Variants in PTPRG observed in about 807,000 individuals in gnomAD.
PTPRG encodes the protein receptor-type tyrosine-protein phosphatase gamma.
A neutral mutation model predicts 165.3 loss-of-function variants in PTPRG; 102 were observed. The ratio of observed to expected loss-of-function variants is 0.62; its 90% CI spans 0.53 to 0.73. The LOEUF (loss-of-function observed/expected upper bound fraction) is 0.73. Among genes scored for constraint, PTPRG ranks in the 30% least tolerant of loss-of-function variants. PTPRG has a pLI of 0.00. For synonymous variants in PTPRG, 675 were observed against 669.5 expected (o/e 1.01, Z -0.13); for missense variants, 1,866 against 1,861.4 (o/e 1.00, Z -0.05).
chr3:62,106,944 T>C (rs1412670703), intron 5 of PTPRG, among the ~76,000 whole-genome samples: 2 of 152,210 alleles, frequency 1.3e-5, no homozygotes, highest in Non-Finnish European at 1.5e-5. Flanking sequence ...GGGAACCTTA[T>C]TGAAGAGGAA....
intron 1 of PTPRG, among the ~76,000 whole-genome samples, chr3:61,704,982 G>C (rs1314699029): frequency 6.6e-6 from 1 of 152,184 alleles, no homozygotes; most frequent in Non-Finnish European, 1.5e-5. Context: ...GCTGAGAGCA[G>C]ACCTGTTAAA....
chr3:62,080,796 A>G (rs1701545231), intron 5 of PTPRG, among the ~76,000 whole-genome samples: 1 of 152,166 alleles, frequency 6.6e-6, no homozygotes, highest in Non-Finnish European at 1.5e-5. Context: ...CAAATCAACA[A>G]AATACCTCAC....
At chr3:61,633,856 C>T (rs1426554070) in intron 1 of PTPRG, among the ~76,000 whole-genome samples, 1 of 150,078 alleles carries the variant, frequency 6.7e-6, no homozygotes, top group Non-Finnish European at 1.5e-5. Context: ...TACCCTTTTT[C>T]AGGTTGAGGA....
At chr3:61,563,567 C>T (rs1010596317) in intron 1 of PTPRG, among the ~76,000 whole-genome samples, 1 of 152,228 alleles carries the variant, frequency 6.6e-6, no homozygotes, top group African/African-American at 2.4e-5. Context: ...GCTTTTCATC[C>T]CTCGCTCCCC....
chr3:61,670,708 C>A (rs75117156), intron 1 of PTPRG, among the ~76,000 whole-genome samples: 1 of 152,172 alleles, frequency 6.6e-6, no homozygotes, highest in Admixed American at 6.5e-5. Context: ...TTTCCTGAGC[C>A]TCCGGTTGTA....
rs112779989 is a variant in PTPRG at position 62,202,442 on chromosome 3, C to T, written c.1378-731C>T. ...GAGTAGCATGGAAAGCCCTGGCACA[C>T]GGTTGGCATTTGTTAATTGGAATTC... On this transcript the variant is annotated intron_variant, in intron 11 of 29. Coordinates refer to ENST00000474889, the MANE Select transcript of PTPRG (RefSeq NM_002841.4). Among the ~76,000 whole-genome samples the T allele has an allele frequency of 1.0e-3, 158 of 152,294 alleles. 3 individuals carry two copies. The highest frequency in any genetic ancestry group is 6.8e-3 in the Middle Eastern group (2 of 294).
At chr3:62,124,551 G>A in intron 5 of PTPRG, 1 of 1,425,022 alleles carries the variant, frequency 7.0e-7, no homozygotes, top group Middle Eastern at 1.8e-4. Context: ...GAGATGCCCA[G>A]GCGGTGGTCC....
chr3:62,223,565 C>A (rs1700695614), intron 13 of PTPRG, among the ~76,000 whole-genome samples: 3 of 152,160 alleles, frequency 2.0e-5, no homozygotes, highest in South Asian at 2.1e-4. Context: ...CTGCTTTAGA[C>A]AAAGACTTCT....
At chr3:61,653,008 T>C (rs1322925616) in intron 1 of PTPRG, among the ~76,000 whole-genome samples, 2 of 152,216 alleles carry the variant, frequency 1.3e-5, no homozygotes, top group African/African-American at 4.8e-5. Flanking sequence ...GTAGAAATTA[T>C]GCCAAACAAC....
intron 2 of PTPRG, among the ~76,000 whole-genome samples, chr3:61,958,540 C>T (rs534035983): frequency 2.0e-5 from 3 of 152,176 alleles, no homozygotes; most frequent in Non-Finnish European, 4.4e-5. Flanking sequence ...CCTATGAAGC[C>T]ATCCCTGATT....
intron 2 of PTPRG, among the ~76,000 whole-genome samples, chr3:61,758,703 T>G (rs1450048483): frequency 1.3e-5 from 2 of 152,078 alleles, no homozygotes; most frequent in Admixed American, 6.6e-5. Context: ...TCCGCCCACC[T>G]CAGCCTCCCA....
At chr3:61,676,410 T>C (rs1436580636) in intron 1 of PTPRG, among the ~76,000 whole-genome samples, 1 of 120,300 alleles carries the variant, frequency 8.3e-6, no homozygotes, top group Non-Finnish European at 1.6e-5. Flanking sequence ...TGAGCTGAGA[T>C]TGCACCACTG....
At chr3:62,076,649 T>A (rs13074641) in intron 4 of PTPRG, among the ~76,000 whole-genome samples, 39,677 of 151,060 alleles carry the variant, frequency 0.26, 5,827 homozygotes, top group East Asian at 0.49. Context: ...TGGCATGACC[T>A]CGGCTCACCG....
chr3:61,922,134 G>A (rs2039091785), intron 2 of PTPRG, among the ~76,000 whole-genome samples: 1 of 152,164 alleles, frequency 6.6e-6, no homozygotes, highest in African/African-American at 2.4e-5. Context: ...AATGTGATCT[G>A]CCCTGAGGAT....
chr3:61,686,543 G>A (rs1476853669), intron 1 of PTPRG, among the ~76,000 whole-genome samples: 1 of 152,206 alleles, frequency 6.6e-6, no homozygotes, highest in Non-Finnish European at 1.5e-5. Context: ...CTGCCCCCAG[G>A]TGTGTGCCCC....
chr3:61,562,111 G>A lies in PTPRG; in HGVS notation c.-177G>A. 3.4e-6 allele frequency: 2 copies of A among 587,736 alleles called. No individual in the cohort carries two copies. Among genetic ancestry groups the A allele is most frequent in the Non-Finnish European group, 6.0e-6 (2 of 330,666 alleles). 36.4% of individuals were successfully genotyped at this position (587,736 alleles called of 1,614,324 possible). On this transcript the variant is annotated 5_prime_UTR_variant, in exon 1 of 30. Coordinates refer to ENST00000474889, the MANE Select transcript of PTPRG (RefSeq NM_002841.4). ...TCCCGGTCACTTTTTGAGATTTTCC[G>A]GGGGGCGCTCGGCGGCTTCCCGGAT... is the stretch of plus-strand genomic sequence containing the variant.
chr3:62,248,435 G>A lies in PTPRG; in HGVS notation c.2467+4537G>A, dbSNP rs372601853. Among the ~76,000 whole-genome samples the A allele has an allele frequency of 1.7e-3, 258 of 152,264 alleles. 1 individual carries two copies. Among genetic ancestry groups the A allele is most frequent in the Non-Finnish European group, 3.0e-3 (204 of 68,010 alleles). On this transcript the variant is annotated intron_variant, in intron 15 of 29. Coordinates refer to ENST00000474889, the MANE Select transcript of PTPRG (RefSeq NM_002841.4). ...AAGCATAATTGAATGCAGTAACACA[G>A]CTGTCAGTCCCCTCATATGCTTTCC... is the stretch of plus-strand genomic sequence containing the variant.
chr3:62,060,073 C>T (rs1176204551), intron 4 of PTPRG, among the ~76,000 whole-genome samples: 5 of 151,924 alleles, frequency 3.3e-5, no homozygotes, highest in African/African-American at 4.8e-5. Context: ...CAAAAATTAG[C>T]TGGGCATGAT....
intron 2 of PTPRG, among the ~76,000 whole-genome samples, chr3:61,804,689 A>T (rs550122678): frequency 1.3e-5 from 2 of 152,132 alleles, no homozygotes; most frequent in South Asian, 4.2e-4. Context: ...CAAAAAAAAA[A>T]AAAAAATAAA....
Sources: allele counts gnomAD v4.1 joint callset (sites outside exome capture counted in the v4.1 genomes callset), GRCh38; gene constraint gnomAD v4.1.1; transcripts MANE v1.5; gene names NCBI Gene and HGNC (gene_info 2026-07-23, HGNC 2026-07-21).